TMEM178B: variants seen among roughly 807,000 people sequenced by gnomAD.
TMEM178B encodes transmembrane protein 178B.
In TMEM178B, 5 loss-of-function variants were observed where a neutral mutation model predicts 31.0. The ratio of observed to expected loss-of-function variants is 0.16; its 90% CI spans 0.08 to 0.34. The LOEUF is 0.34. Among genes scored for constraint, TMEM178B ranks in the 10% least tolerant of loss-of-function variants. The pLI is 1.00. For synonymous variants in TMEM178B, 164 were observed against 164.0 expected, an observed-to-expected ratio of 1.00 and a Z score of 0.00; for missense variants, 275 against 400.3, an observed-to-expected ratio of 0.69 and a Z score of 2.67.
chr7:141,238,234 C>T lies in TMEM178B; in HGVS notation c.496+25530C>T, dbSNP rs1586842801. Among the ~76,000 whole-genome samples, 3 of 151,954 alleles carry T rather than the reference C, an allele frequency of 2.0e-5. No homozygotes were observed. The South Asian group carries it at 6.2e-4, about 32-fold the overall frequency. On this transcript the variant is annotated intron_variant, in intron 2 of 3. Transcript: ENST00000565468. ...GTTGTTGAGAGGAGCTGAGTCTTACCCTGAAGCCCAGGAGTTAGATCCAAG... is the reference window on the plus strand; with the variant it reads ...GTTGTTGAGAGGAGCTGAGTCTTACTCTGAAGCCCAGGAGTTAGATCCAAG...
At chr7:141,440,775 A>G (rs1263473067) in intron 3 of TMEM178B, among the ~76,000 whole-genome samples, 1 of 152,204 alleles carries the variant, frequency 6.6e-6, no homozygotes, top group Admixed American at 6.5e-5. Flanking sequence ...CCTCTTGCTG[A>G]CTGCGGCACC....
At chr7:141,200,691 A>G (rs930992927) in intron 1 of TMEM178B, among the ~76,000 whole-genome samples, 1 of 152,194 alleles carries the variant, frequency 6.6e-6, no homozygotes, top group Admixed American at 6.5e-5. Context: ...TACGGTTCTT[A>G]GACATACTGA....
intron 2 of TMEM178B, among the ~76,000 whole-genome samples, chr7:141,398,570 G>A (rs1442531364): frequency 6.6e-6 from 1 of 152,202 alleles, no homozygotes; most frequent in African/African-American, 2.4e-5. Flanking sequence ...AAGGTTTGAA[G>A]CCTCAGACAC....
intron 1 of TMEM178B, among the ~76,000 whole-genome samples, chr7:141,176,928 GT>G (rs1354678028): frequency 2.3e-4 from 35 of 152,136 alleles, no homozygotes; most frequent in African/African-American, 6.3e-4. Flanking sequence ...TTTTTGAAGG[GT>G]TTTTTGTGTC....
At chr7:141,437,477 C>G (rs1801567414) in intron 2 of TMEM178B, 131 bp from the exon 3 acceptor site, 1 of 1,219,196 alleles carries the variant, frequency 8.2e-7, no homozygotes, top group African/African-American at 1.5e-5. Context: ...GTGCTCCTAT[C>G]TGAGAAGGGC....
Position 141,344,442 on chromosome 7 carries a change from A to G in TMEM178B, c.497-93166A>G, listed in dbSNP as rs1799572364. On this transcript the variant is annotated intron_variant, in intron 2 of 3. Coordinates refer to ENST00000565468, the MANE Select transcript of TMEM178B (RefSeq NM_001195278.2). This position sits in a 1 kb window ranked among gnomAD's most constrained non-coding sequence, Gnocchi z 4.1. ...TCCAACTAATGTTGAGTTCTGCTTT[A>G]TAATGAAAAGTTATAAGTTTCTCAC... Among the ~76,000 whole-genome samples, 1 of 152,240 alleles carries G rather than the reference A, an allele frequency of 6.6e-6. No homozygotes were observed. Among genetic ancestry groups the G allele is most frequent in the Non-Finnish European group, 1.5e-5 (1 of 68,042 alleles).
intron 2 of TMEM178B, among the ~76,000 whole-genome samples, chr7:141,277,261 T>A (rs1319415169): frequency 6.6e-6 from 1 of 152,238 alleles, no homozygotes; most frequent in Non-Finnish European, 1.5e-5. Flanking sequence ...TTTCTTTGTA[T>A]CCTTATTCTA....
chr7:141,504,219 G>C, the TMEM178B span, among the ~76,000 whole-genome samples: 1 of 152,190 alleles, frequency 6.6e-6, no homozygotes, highest in Non-Finnish European at 1.5e-5. Context: ...AACTGGGATA[G>C]CTTAGATTTT....
chr7:141,174,371 A>ATTTGGGT (rs1189697250), intron 1 of TMEM178B, among the ~76,000 whole-genome samples: 1 of 152,168 alleles, frequency 6.6e-6, no homozygotes, highest in Non-Finnish European at 1.5e-5. Flanking sequence ...ATTGATGGGC[A>ATTTGGGT]TTTGGGTTGT....
chr7:141,232,080 A>G (rs1187261492), intron 2 of TMEM178B, among the ~76,000 whole-genome samples: 1 of 152,090 alleles, frequency 6.6e-6, no homozygotes, highest in African/African-American at 2.4e-5. Flanking sequence ...CTGTTCTTGC[A>G]ATAGTTTGCT....
intron 1 of TMEM178B, among the ~76,000 whole-genome samples, chr7:141,108,961 A>G (rs1247475317): frequency 4.6e-5 from 7 of 152,184 alleles, no homozygotes; most frequent in Admixed American, 6.5e-5. Flanking sequence ...CACTTCTTAC[A>G]TGGTGGCGGC....
intron 2 of TMEM178B, among the ~76,000 whole-genome samples, chr7:141,280,337 G>T (rs942955254): frequency 6.6e-6 from 1 of 152,098 alleles, no homozygotes; most frequent in African/African-American, 2.4e-5. Flanking sequence ...ATCTTGAATT[G>T]TAGCTCCCAT....
At chr7:141,310,823 C>A (rs1021957489) in intron 2 of TMEM178B, among the ~76,000 whole-genome samples, 2 of 152,148 alleles carry the variant, frequency 1.3e-5, no homozygotes, top group Non-Finnish European at 2.9e-5. Flanking sequence ...GAATATAAAT[C>A]ATTCTATTAT....
chr7:141,452,344 G>C (rs1801881227), intron 3 of TMEM178B, among the ~76,000 whole-genome samples: 1 of 152,170 alleles, frequency 6.6e-6, no homozygotes, highest in South Asian at 2.1e-4. Flanking sequence ...CTAAGTGCCT[G>C]ACTGACTGTA....
At chr7:141,091,587 C>A (rs1285124081) in intron 1 of TMEM178B, among the ~76,000 whole-genome samples, 1 of 152,110 alleles carries the variant, frequency 6.6e-6, no homozygotes, top group Non-Finnish European at 1.5e-5. Context: ...CATCAGAGAC[C>A]ATAATGGCTT....
intron 1 of TMEM178B, among the ~76,000 whole-genome samples, chr7:141,099,696 A>G (rs948375135): frequency 4.6e-5 from 7 of 152,334 alleles, no homozygotes; most frequent in African/African-American, 1.7e-4. Flanking sequence ...GTCCTTAATC[A>G]CAGCTTAGGT....
chr7:141,297,689 TC>T (rs1424229103), intron 2 of TMEM178B, among the ~76,000 whole-genome samples: 3 of 152,242 alleles, frequency 2.0e-5, no homozygotes, highest in Non-Finnish European at 4.4e-5. Flanking sequence ...CATGAACTCA[TC>T]CTTTTTTATG....
intron 1 of TMEM178B, among the ~76,000 whole-genome samples, chr7:141,141,473 T>G (rs1006338830): frequency 3.3e-5 from 5 of 152,212 alleles, no homozygotes; most frequent in African/African-American, 1.2e-4. Context: ...TCCTCATTTG[T>G]TTTTTATTAT....
intron 2 of TMEM178B, among the ~76,000 whole-genome samples, chr7:141,379,836 A>C (rs530916807): frequency 3.9e-5 from 6 of 152,290 alleles, no homozygotes; most frequent in Admixed American, 2.6e-4. Flanking sequence ...GTGAGAAGTG[A>C]AGGCTTCTGG....
Sources: gnomAD v4.1 joint callset for allele counts (sites outside exome capture counted in the v4.1 genomes callset) on GRCh38, gnomAD v4.1.1 for gene constraint, Gnocchi (gnomAD v3.1) non-coding constraint, MANE v1.5 for transcripts, NCBI Gene and HGNC (gene_info 2026-07-23, HGNC 2026-07-21) for gene names.